GJC2: variants seen among roughly 807,000 people sequenced by gnomAD.
GJC2 encodes gap junction protein gamma 2.
For missense variants in GJC2, 647 were observed against 648.9 expected, an observed-to-expected ratio of 1.00 and a Z score of 0.03; for synonymous variants, 336 against 307.5, an observed-to-expected ratio of 1.09 and a Z score of -0.97.
rs911047460 is a variant in GJC2, at chr1:228,152,298, C to T, written c.-20+2291C>T. The stretch of plus-strand genomic sequence containing the variant: ...GCAGAAAACACCCACCCTTCGCGGC[C>T]TGCCCTGGGAGGGCCTGGAGATGGA... On this transcript the variant is annotated intron_variant, in intron 1 of 1. Coordinates refer to ENST00000366714, the MANE Select transcript of GJC2 (RefSeq NM_020435.4). The surrounding 1 kb of genome is among the most constrained non-coding windows in gnomAD (Gnocchi z 7.3). 2.0e-5 allele frequency among the ~76,000 whole-genome samples: 3 copies of T among 152,148 alleles called. No individual in the cohort carries two copies. Among genetic ancestry groups the T allele is most frequent in the South Asian group, 2.1e-4 (1 of 4,834 alleles).
rs982418596 is a variant in GJC2, at chr1:228,157,033, C to T, written c.-19-707C>T. Among the ~76,000 whole-genome samples, 6 of 152,148 alleles carry T rather than the reference C, an allele frequency of 3.9e-5. No individual in the cohort carries two copies. In the East Asian group the frequency reaches 5.8e-4, roughly 15 times the overall value. On this transcript the variant is annotated intron_variant, in intron 1 of 1. Coordinates refer to ENST00000366714, the MANE Select transcript of GJC2 (RefSeq NM_020435.4). Reference sequence around the variant, plus strand: ...TGGAGGACCAGGAACCTAGACTGGGCGGGCGGAGCCCTGGGACCCTGGGCA... The same window carrying T: ...TGGAGGACCAGGAACCTAGACTGGGTGGGCGGAGCCCTGGGACCCTGGGCA...
In GJC2 at chr1:228,158,696, C is replaced by T. The variant is rs2034724592; in HGVS notation, c.938C>T (p.Pro313Leu). The T allele has an allele frequency of 1.9e-6, 2 of 1,071,982 alleles. No individual in the cohort carries two copies. Among genetic ancestry groups the T allele is most frequent in the East Asian group, 6.3e-5 (1 of 15,930 alleles). 66.4% of individuals were successfully genotyped at this position (1,071,982 alleles called of 1,614,324 possible). A position where few individuals can be genotyped will look rare whatever the true frequency, so the allele number is the denominator to read the frequency against. ...GPPASAPAPA[P>L]RPPPCAFPAA... ...CCGGCCTCCGCCCCCGCCCCCGCGCCGCGGCCCCCGCCCTGCGCCTTCCCT... is the reference window on the plus strand; with the variant it reads ...CCGGCCTCCGCCCCCGCCCCCGCGCTGCGGCCCCCGCCCTGCGCCTTCCCT... The change falls in exon 2 of 2, where the codon CCG becomes CTG. Residue 313 changes from proline (P) to leucine (L), a missense_variant. Transcript: ENST00000366714. This position sits in a 1 kb window ranked among gnomAD's most constrained non-coding sequence, Gnocchi z 8.3.
At position 228,151,776 on chromosome 1, in the gene GJC2, G is replaced by A. The variant is rs1558117636; in HGVS notation, c.-20+1769G>A. Among the ~76,000 whole-genome samples the A allele has an allele frequency of 6.6e-6, 1 of 152,136 alleles. No homozygotes were observed. The highest frequency in any genetic ancestry group is 1.5e-5 in the Non-Finnish European group (1 of 68,012). On this transcript the variant is annotated intron_variant, in intron 1 of 1. Transcript: ENST00000366714. The surrounding 1 kb of genome is among the most constrained non-coding windows in gnomAD (Gnocchi z 5.4). ...TTCCAGGCCTCGGGCTTGGGTCCTA[G>A]GTGGCTGAGCTCTGCACCTCCCTCT...
At chr1:228,157,555 CTGCATCTGCACGAGCAGGGG>C (rs2034701204) in intron 1 of GJC2, among the ~76,000 whole-genome samples, 165 bp from the exon 2 acceptor site, 1 of 152,180 alleles carries the variant, frequency 6.6e-6, no homozygotes, top group Non-Finnish European at 1.5e-5. Flanking sequence ...AGCTGGGGCC[CTGCATCTGCACGAGCAGGGG>C]CCGGATCAGG....
At chr1:228,154,054 G>A (rs188345820) in intron 1 of GJC2, among the ~76,000 whole-genome samples, 2 of 152,266 alleles carry the variant, frequency 1.3e-5, no homozygotes, top group Admixed American at 6.5e-5. Flanking sequence ...CAGTTTCCCC[G>A]TTGCTGACGT....
chr1:228,150,421 A>G lies in GJC2; in HGVS notation c.-20+414A>G, dbSNP rs2034601548. 6.6e-6 allele frequency among the ~76,000 whole-genome samples: 1 copy of G among 152,134 alleles called. No homozygotes were observed. The highest frequency in any genetic ancestry group is 2.4e-5 in the African/African-American group (1 of 41,440). ...GCCCAGTCCCCCACCCTCAGCGGCC[A>G]CCTGGAGGTGAGGGGGCCAGCCTGC... On this transcript the variant is annotated intron_variant, in intron 1 of 1. Transcript: ENST00000366714. The surrounding 1 kb of genome is among the most constrained non-coding windows in gnomAD (Gnocchi z 4.6).
rs1047193052 is a variant in GJC2 at position 228,150,873 on chromosome 1, AT to A, written c.-20+867del. On this transcript the variant is annotated intron_variant, in intron 1 of 1. Transcript: ENST00000366714. This position sits in a 1 kb window ranked among gnomAD's most constrained non-coding sequence, Gnocchi z 4.6. ...ACAGCCTTAGGAGGCTGGGGTAATC[AT>A]CACCCCCTCACTCCCAGTATGGATA... Among the ~76,000 whole-genome samples the A allele has an allele frequency of 6.6e-6, 1 of 151,952 alleles. No individual in the cohort carries two copies. Among genetic ancestry groups the A allele is most frequent in the African/African-American group, 2.4e-5 (1 of 41,382 alleles).
At position 228,150,122 on chromosome 1, in the gene GJC2, G is replaced by A. The variant is rs2034593338; in HGVS notation, c.-20+115G>A. 1 of 152,256 alleles carries A rather than the reference G, an allele frequency of 6.6e-6. No homozygotes were observed. The highest frequency in any genetic ancestry group is 2.4e-5 in the African/African-American group (1 of 41,416). 9.4% of individuals were successfully genotyped at this position (152,256 alleles called of 1,614,324 possible). ...GCCCCGAAGGAGGGAGGGCTTCCTA[G>A]GGCCCAGCCATAGGAGGGTGCACTC... On this transcript the variant is annotated intron_variant, in intron 1 of 1. Transcript: ENST00000366714. The surrounding 1 kb of genome is among the most constrained non-coding windows in gnomAD (Gnocchi z 4.6).
In GJC2 at chr1:228,157,740, G is replaced by GGGGGGGGGGGGGGGGCCCCC; in HGVS notation, c.-19_-18insGGGGGGGGGGGGGGGCCCCC. 1.5e-6 allele frequency: 1 copy of GGGGGGGGGGGGGGGGCCCCC among 662,262 alleles called. No homozygotes were observed. Among genetic ancestry groups the GGGGGGGGGGGGGGGGCCCCC allele is most frequent in the Non-Finnish European group, 2.6e-6 (1 of 378,506 alleles). 41.0% of individuals were successfully genotyped at this position (662,262 alleles called of 1,614,324 possible). On this transcript the variant is annotated splice_region_variant and 5_prime_UTR_variant, in exon 2 of 2. Transcript: ENST00000366714. ...GGCTGACCCCTACCCCGCCCCACAG[G>GGGGGGGGGGGGGGGGCCCCC]ACCCGCCCGCCCGCCCCTATGACCA...
Position 228,158,326 on chromosome 1 carries a change from G to A in GJC2, c.568G>A (p.Gly190Arg). ...GGTCGGCGCTGACGGCAAGGCGGCA[G>A]GGACCCCGGGCCCGACCGGGCAACA... ...KAVGADGKAA[G>R]TPGPTGQHDG... Residue 190 changes from glycine to arginine, a missense_variant, in exon 2 of 2, where the codon GGG (glycine) becomes AGG (arginine). Gly to Arg is a moderately radical substitution (Grantham distance 125). Transcript: ENST00000366714. The surrounding 1 kb of genome is among the most constrained non-coding windows in gnomAD (Gnocchi z 8.3). The A allele has an allele frequency of 2.6e-6, 4 of 1,560,694 alleles. No individual in the cohort carries two copies. The South Asian group carries it at 4.6e-5, about 18-fold the overall frequency.
At position 228,158,872 on chromosome 1, in the gene GJC2, T is replaced by G. The variant is rs772107463; in HGVS notation, c.1114T>G (p.Ser372Ala). Residue 372 changes from serine to alanine, a missense_variant, in exon 2 of 2, where the codon TCG becomes GCG. Ser to Ala is a moderately conservative substitution (Grantham distance 99). Coordinates refer to ENST00000366714, the MANE Select transcript of GJC2 (RefSeq NM_020435.4). This position sits in a 1 kb window ranked among gnomAD's most constrained non-coding sequence, Gnocchi z 8.3. Reference sequence around the variant, plus strand: ...GGCTGGGGACCGCGACCGGGACAGTTCGCCGTGCGTCGGCCTCCCTGCGGC... The same window carrying G: ...GGCTGGGGACCGCGACCGGGACAGTGCGCCGTGCGTCGGCCTCCCTGCGGC... ...AAAGDRDRDS[S>A]PCVGLPAASR... The G allele has an allele frequency of 2.7e-6, 4 of 1,487,520 alleles. No homozygotes were observed. The South Asian group carries it at 5.0e-5, about 19-fold the overall frequency. The allele number at this position is 1,487,520 out of a possible 1,614,324, so 92.1% of individuals were successfully genotyped here.
rs969179356 is a variant in GJC2 at position 228,151,531 on chromosome 1, G to A, written c.-20+1524G>A. 6.6e-6 allele frequency among the ~76,000 whole-genome samples: 1 copy of A among 152,126 alleles called. No individual in the cohort carries two copies. The highest frequency in any genetic ancestry group is 1.5e-5 in the Non-Finnish European group (1 of 68,014). ...TTCATGGCTATGTGTGAGAGTGAGT[G>A]TGTGAGCCCAGCTCCATGTTGAGCT... On this transcript the variant is annotated intron_variant, in intron 1 of 1. Transcript: ENST00000366714. The surrounding 1 kb of genome is among the most constrained non-coding windows in gnomAD (Gnocchi z 5.4).
At position 228,158,334 on chromosome 1, in the gene GJC2, G is replaced by C. The variant is rs1349126699; in HGVS notation, c.576G>C (p.Pro192=). 2.6e-6 allele frequency: 4 copies of C among 1,566,280 alleles called. No homozygotes were observed. The highest frequency in any genetic ancestry group is 2.7e-5 in the African/African-American group (2 of 73,948). Residue 192 remains proline (P), a synonymous_variant, in exon 2 of 2, where the codon CCG becomes CCC. Coordinates refer to ENST00000366714, the MANE Select transcript of GJC2 (RefSeq NM_020435.4). The surrounding 1 kb of genome is among the most constrained non-coding windows in gnomAD (Gnocchi z 8.3). ...CTGACGGCAAGGCGGCAGGGACCCC[G>C]GGCCCGACCGGGCAACACGATGGGC... ...VGADGKAAGT[P]GPTGQHDGRR...
At chr1:228,157,095 G>A (rs1484987731) in intron 1 of GJC2, among the ~76,000 whole-genome samples, 1 of 147,334 alleles carries the variant, frequency 6.8e-6, no homozygotes, top group Non-Finnish European at 1.5e-5. Flanking sequence ...GGGGCTGGAG[G>A]GAGGATGGAG....
chr1:228,159,181 AGGCAGACTCTGCCCAGAGG>A lies in GJC2; in HGVS notation c.*109_*127del. 5.2e-6 allele frequency: 7 copies of A among 1,355,562 alleles called. No individual in the cohort carries two copies. Among genetic ancestry groups the A allele is most frequent in the Non-Finnish European group, 7.2e-6 (7 of 973,152 alleles). 84.0% of individuals were successfully genotyped at this position (1,355,562 alleles called of 1,614,324 possible). On this transcript the variant is annotated 3_prime_UTR_variant, in exon 2 of 2. Coordinates refer to ENST00000366714, the MANE Select transcript of GJC2 (RefSeq NM_020435.4). The surrounding 1 kb of genome is among the most constrained non-coding windows in gnomAD (Gnocchi z 4.0). ...AGCCTTCTCCTTAGCCGGTGGCCTC[AGGCAGACTCTGCCCAGAGG>A]GGCAGCCAGGCTGCTCAGGGAAGGG...
At chr1:228,156,214 A>T (rs2034677967) in intron 1 of GJC2, among the ~76,000 whole-genome samples, 2 of 152,054 alleles carry the variant, frequency 1.3e-5, no homozygotes, top group Admixed American at 1.3e-4. Context: ...GTGCATACGT[A>T]TGTGCATGTG....
Position 228,158,882 on chromosome 1 carries a change from TCGGCCTCCCTG to T in GJC2, c.1134_1144del (p.Ala379GlyfsTer109), listed in dbSNP as rs1571908452. On this transcript the variant is annotated frameshift_variant, in exon 2 of 2. Transcript: ENST00000366714. LOFTEE classifies it low-confidence loss of function (END_TRUNC). This position sits in a 1 kb window ranked among gnomAD's most constrained non-coding sequence, Gnocchi z 8.3. ...CGCGACCGGGACAGTTCGCCGTGCGTCGGCCTCCCTGCGGCCTCCCGGGGGCCCCCCAGAGC... is the reference window on the plus strand; with the variant it reads ...CGCGACCGGGACAGTTCGCCGTGCGTCGGCCTCCCGGGGGCCCCCCAGAGC... 2.0e-6 allele frequency: 3 copies of T among 1,488,344 alleles called. No homozygotes were observed. Among genetic ancestry groups the T allele is most frequent in the Non-Finnish European group, 2.7e-6 (3 of 1,127,604 alleles). 92.2% of individuals were successfully genotyped at this position (1,488,344 alleles called of 1,614,324 possible).
In GJC2 at chr1:228,158,057, A is replaced by G. The variant is rs1180176300; in HGVS notation, c.299A>G (p.His100Arg). The G allele has an allele frequency of 2.5e-6, 4 of 1,606,418 alleles. No individual in the cohort carries two copies. Among genetic ancestry groups the G allele is most frequent in the Non-Finnish European group, 3.4e-6 (4 of 1,178,780 alleles). The change falls in exon 2 of 2, where the codon CAC becomes CGC. Residue 100 changes from histidine to arginine, a missense_variant. Transcript: ENST00000366714. This position sits in a 1 kb window ranked among gnomAD's most constrained non-coding sequence, Gnocchi z 8.3. ...PSVMYLGYAV[H>R]RLARASEQER... is the part of the protein sequence containing the mutation. ...GTCATGTACCTGGGCTACGCCGTGCACCGCCTGGCCCGTGCGTCTGAGCAG... is the reference window on the plus strand; with the variant it reads ...GTCATGTACCTGGGCTACGCCGTGCGCCGCCTGGCCCGTGCGTCTGAGCAG...
chr1:228,150,609 C>A lies in GJC2; in HGVS notation c.-20+602C>A, dbSNP rs374289264. Among the ~76,000 whole-genome samples the A allele has an allele frequency of 2.6e-5, 4 of 152,072 alleles. No individual in the cohort carries two copies. On this transcript the variant is annotated intron_variant, in intron 1 of 1. Coordinates refer to ENST00000366714, the MANE Select transcript of GJC2 (RefSeq NM_020435.4). The surrounding 1 kb of genome is among the most constrained non-coding windows in gnomAD (Gnocchi z 4.6). ...AGTGCTGTGATTAACTGGGTGGAGG[C>A]CCCCCCGGGGTGCTGGGGCAGGCCC...
Sources: gnomAD v4.1 joint callset for allele counts (sites outside exome capture counted in the v4.1 genomes callset) on GRCh38, gnomAD v4.1.1 for gene constraint, Gnocchi (gnomAD v3.1) non-coding constraint, MANE v1.5 for transcripts, NCBI Gene and HGNC (gene_info 2026-07-23, HGNC 2026-07-21) for gene names.